Variants in PRKAG2 observed in about 807,000 individuals in gnomAD.
PRKAG2 encodes the protein 5'-AMP-activated protein kinase subunit gamma-2.
PRKAG2 carries 26 observed loss-of-function variants against 69.6 expected under a neutral mutation model. That is an observed-to-expected ratio of 0.37 (90% CI 0.27 to 0.52). PRKAG2 has a LOEUF of 0.52. PRKAG2 is among the 20% of genes least tolerant of loss of function. The pLI is 0.90. For synonymous variants in PRKAG2, 293 were observed against 285.0 expected (o/e 1.03, Z -0.28); for missense variants, 557 against 740.0 (o/e 0.75, Z 2.87).
intron 3 of PRKAG2, among the ~76,000 whole-genome samples, chr7:151,679,285 A>G (rs555957906): frequency 2.0e-5 from 3 of 152,168 alleles, no homozygotes; most frequent in East Asian, 3.9e-4. Context: ...CCTGTGTGCT[A>G]TTTTGTGTGT....
At chr7:151,573,828 G>C (rs1244173497) in intron 8 of PRKAG2, among the ~76,000 whole-genome samples, 1 of 152,174 alleles carries the variant, frequency 6.6e-6, no homozygotes, top group Non-Finnish European at 1.5e-5. Context: ...GCCCAGGCTG[G>C]AGTGCAATGG....
chr7:151,874,637 C>T (rs1005693036), intron 1 of PRKAG2, among the ~76,000 whole-genome samples: 3 of 152,142 alleles, frequency 2.0e-5, no homozygotes, highest in African/African-American at 7.2e-5. Context: ...GTAATCCCAG[C>T]ACTTTGAGAG....
chr7:151,870,126 T>TAGATAGAC (rs1206531421), intron 1 of PRKAG2, among the ~76,000 whole-genome samples: 37 of 120,900 alleles, frequency 3.1e-4, no homozygotes, highest in Non-Finnish European at 6.4e-4. Flanking sequence ...GATAGATAGA[T>TAGATAGAC]AGATAGATAG....
chr7:151,786,834 G>T (rs889829726), intron 1 of PRKAG2, among the ~76,000 whole-genome samples: 2 of 152,220 alleles, frequency 1.3e-5, no homozygotes, highest in Non-Finnish European at 2.9e-5. Flanking sequence ...AAGGCAGGCA[G>T]AAAGGGTGGA....
At chr7:151,873,971 T>G (rs1323911800) in intron 1 of PRKAG2, among the ~76,000 whole-genome samples, 1 of 149,352 alleles carries the variant, frequency 6.7e-6, no homozygotes, top group Non-Finnish European at 1.5e-5. Flanking sequence ...TATGTATATG[T>G]ATATGATGTA....
rs538183388 is a variant in PRKAG2, at chr7:151,654,753, T to C, written c.684+20667A>G. Among the ~76,000 whole-genome samples the C allele has an allele frequency of 2.3e-3, 348 of 152,312 alleles. 2 individuals carry two copies. Among genetic ancestry groups the C allele is most frequent in the Non-Finnish European group, 3.8e-3 (256 of 68,020 alleles). The stretch of plus-strand genomic sequence containing the variant: ...TATGGCCCAGGCTGGGGTGCAGTGG[T>C]GTGATCTTGGCTTGCTGCAACCTCC... On this transcript the variant is annotated intron_variant, in intron 4 of 15. Coordinates refer to ENST00000287878, the MANE Select transcript of PRKAG2 (RefSeq NM_016203.4).
At chr7:151,620,365 A>G (rs567710334) in intron 5 of PRKAG2, among the ~76,000 whole-genome samples, 25 of 152,198 alleles carry the variant, frequency 1.6e-4, no homozygotes, top group African/African-American at 6.0e-4. Flanking sequence ...CTTTAGAGAT[A>G]GGATCACATT....
At chr7:151,854,154 C>T (rs1409321950) in intron 1 of PRKAG2, among the ~76,000 whole-genome samples, 1 of 152,242 alleles carries the variant, frequency 6.6e-6, no homozygotes, top group Non-Finnish European at 1.5e-5. Context: ...GCCTCCACCC[C>T]GACTGCTGTT....
intron 4 of PRKAG2, among the ~76,000 whole-genome samples, chr7:151,649,112 ATTATT>A (rs56728734): frequency 0.41 from 62,050 of 150,648 alleles, 13,786 homozygotes; most frequent in African/African-American, 0.55. Flanking sequence ...GGAAGGAATG[ATTATT>A]TTATTTTATT....
At chr7:151,848,338 TGC>T (rs971680910) in intron 1 of PRKAG2, among the ~76,000 whole-genome samples, 2 of 151,970 alleles carry the variant, frequency 1.3e-5, no homozygotes, top group Admixed American at 6.6e-5. Context: ...GTGTGCAAGG[TGC>T]CACCTTGGAA....
At chr7:151,674,527 C>G (rs1452236181) in intron 4 of PRKAG2, among the ~76,000 whole-genome samples, 2 of 152,196 alleles carry the variant, frequency 1.3e-5, no homozygotes, top group African/African-American at 4.8e-5. Flanking sequence ...ATTAAACCAG[C>G]AGTGACAGCT....
intron 1 of PRKAG2, among the ~76,000 whole-genome samples, chr7:151,813,594 C>T (rs1295103448): frequency 2.0e-5 from 3 of 152,114 alleles, no homozygotes; most frequent in Non-Finnish European, 2.9e-5. Flanking sequence ...TAGTACTTTC[C>T]AGCCTGCAGC....
chr7:151,644,117 A>C (rs991200815), intron 4 of PRKAG2, among the ~76,000 whole-genome samples: 1 of 152,148 alleles, frequency 6.6e-6, no homozygotes, highest in Non-Finnish European at 1.5e-5. Context: ...AAAAGACTAC[A>C]AACATGGTGC....
At chr7:151,704,597 G>C (rs2151581188) in intron 3 of PRKAG2, among the ~76,000 whole-genome samples, 2 of 152,296 alleles carry the variant, frequency 1.3e-5, no homozygotes, top group Middle Eastern at 6.8e-3. Context: ...CTATACATAT[G>C]TTCCCCAGAA....
intron 3 of PRKAG2, among the ~76,000 whole-genome samples, chr7:151,732,604 G>A (rs759313010): frequency 6.6e-5 from 10 of 152,202 alleles, no homozygotes; most frequent in Non-Finnish European, 1.2e-4. Flanking sequence ...GAGAACCTGC[G>A]ATGCTGCAAG....
chr7:151,593,156 A>G (rs1208526058), intron 6 of PRKAG2, among the ~76,000 whole-genome samples: 2 of 152,210 alleles, frequency 1.3e-5, no homozygotes, highest in Non-Finnish European at 2.9e-5. Flanking sequence ...AAGCTGGGTA[A>G]AAGTCAAATC....
intron 4 of PRKAG2, among the ~76,000 whole-genome samples, chr7:151,665,348 G>A (rs2151439893): frequency 6.6e-6 from 1 of 152,218 alleles, no homozygotes. Context: ...GCTACCCTGG[G>A]GAACAGAATG....
chr7:151,576,147 C>T, intron 7 of PRKAG2: 6 of 561,694 alleles, frequency 1.1e-5, no homozygotes, highest in Non-Finnish European at 1.3e-5. Context: ...TGCTATGTTG[C>T]CCAGGCTGGC....
intron 1 of PRKAG2, among the ~76,000 whole-genome samples, chr7:151,842,149 ATGGTAG>A (rs2079314401): frequency 9.0e-6 from 1 of 111,254 alleles, no homozygotes; most frequent in Non-Finnish European, 1.8e-5. Flanking sequence ...GTAGGTGGGG[ATGGTAG>A]TGATGGTAGT....
Sources: gnomAD v4.1 joint callset for allele counts (sites outside exome capture counted in the v4.1 genomes callset) on GRCh38, gnomAD v4.1.1 for gene constraint, MANE v1.5 for transcripts, NCBI Gene and HGNC (gene_info 2026-07-23, HGNC 2026-07-21) for gene names.